SEMA5A: variants seen among roughly 807,000 people sequenced by gnomAD.
SEMA5A encodes semaphorin 5A.
In SEMA5A, 55 loss-of-function variants were observed where a neutral mutation model predicts 135.5. The observed-to-expected ratio is 0.41, with a 90% CI of 0.33 to 0.51. SEMA5A has a LOEUF of 0.51. Among genes scored for constraint, SEMA5A ranks in the 20% least tolerant of loss-of-function variants. The probability of loss-of-function intolerance (pLI) is 0.37; values close to 1 mark genes in which losing one functional copy is unlikely to be tolerated. For missense variants in SEMA5A, 1,290 were observed against 1,419.9 expected, an observed-to-expected ratio of 0.91 and a Z score of 1.47; for synonymous variants, 580 against 546.5, an observed-to-expected ratio of 1.06 and a Z score of -0.85.
intron 5 of SEMA5A, among the ~76,000 whole-genome samples, chr5:9,288,048 T>C (rs2150578185): frequency 6.6e-6 from 1 of 152,110 alleles, no homozygotes; most frequent in East Asian, 1.9e-4. Context: ...ATAAGATAAA[T>C]GTAAAAGAGA....
chr5:9,162,550 A>ATGTG (rs201253805), intron 11 of SEMA5A, among the ~76,000 whole-genome samples: 125 of 51,646 alleles, frequency 2.4e-3, no homozygotes, highest in South Asian at 0.011. Flanking sequence ...GTGTGTATAT[A>ATGTG]TGTGTGTGTG....
chr5:9,304,602 T>C (rs762375056), intron 5 of SEMA5A, among the ~76,000 whole-genome samples: 1 of 152,216 alleles, frequency 6.6e-6, no homozygotes, highest in Non-Finnish European at 1.5e-5. Flanking sequence ...GGTTTATTTA[T>C]GTATTTTTCT....
chr5:9,215,099 T>C (rs1328248227), intron 8 of SEMA5A, among the ~76,000 whole-genome samples: 2 of 152,118 alleles, frequency 1.3e-5, no homozygotes, highest in Non-Finnish European at 2.9e-5. Flanking sequence ...CCCTCTGCCC[T>C]GGGCAAAGCA....
intron 4 of SEMA5A, among the ~76,000 whole-genome samples, chr5:9,326,253 A>G (rs1579349076): frequency 6.6e-6 from 1 of 152,150 alleles, no homozygotes. Context: ...ACTTTTGAAG[A>G]TAACAAGTTA....
intron 16 of SEMA5A, among the ~76,000 whole-genome samples, chr5:9,101,330 T>G (rs1739620433): frequency 6.6e-6 from 1 of 152,188 alleles, no homozygotes; most frequent in South Asian, 2.1e-4. Context: ...GCTGGCAACC[T>G]TCCTACAACC....
intron 2 of SEMA5A, among the ~76,000 whole-genome samples, chr5:9,437,049 T>A (rs889332078): frequency 1.3e-5 from 2 of 151,886 alleles, no homozygotes; most frequent in Non-Finnish European, 2.9e-5. Flanking sequence ...TCATGAGAGG[T>A]TTAGGGCTTA....
chr5:9,452,334 T>G (rs1332054256), intron 1 of SEMA5A, among the ~76,000 whole-genome samples: 1 of 152,228 alleles, frequency 6.6e-6, no homozygotes, highest in Non-Finnish European at 1.5e-5. Context: ...AGCAGTGGTT[T>G]GCTTCCCGGA....
At chr5:9,346,663 C>T (rs1753884127) in intron 3 of SEMA5A, among the ~76,000 whole-genome samples, 1 of 152,176 alleles carries the variant, frequency 6.6e-6, no homozygotes, top group South Asian at 2.1e-4. Flanking sequence ...GGGTCTGAGT[C>T]AGTGGAACTC....
At chr5:9,143,999 A>G (rs2150235606) in intron 12 of SEMA5A, among the ~76,000 whole-genome samples, 1 of 152,310 alleles carries the variant, frequency 6.6e-6, no homozygotes, top group South Asian at 2.1e-4. Context: ...TAAACCTTCC[A>G]TGGTTCCACG....
At chr5:9,130,363 A>G (rs1463615657) in intron 13 of SEMA5A, among the ~76,000 whole-genome samples, 1 of 152,250 alleles carries the variant, frequency 6.6e-6, no homozygotes, top group Non-Finnish European at 1.5e-5. Flanking sequence ...GAATGTAACA[A>G]AACAGAATGT....
chr5:9,297,861 G>A (rs1751418711), intron 5 of SEMA5A, among the ~76,000 whole-genome samples: 1 of 152,094 alleles, frequency 6.6e-6, no homozygotes, highest in East Asian at 1.9e-4. Context: ...TGGGATTACA[G>A]GTGTGAACCA....
chr5:9,125,357 G>A (rs1741050347), intron 13 of SEMA5A, among the ~76,000 whole-genome samples: 1 of 152,108 alleles, frequency 6.6e-6, no homozygotes, highest in Admixed American at 6.5e-5. Flanking sequence ...TTTAAGTTCT[G>A]GGACATATGT....
intron 5 of SEMA5A, among the ~76,000 whole-genome samples, chr5:9,308,104 A>G (rs1241102755): frequency 6.6e-6 from 1 of 152,238 alleles, no homozygotes; most frequent in Non-Finnish European, 1.5e-5. Flanking sequence ...GGTCAGAGTC[A>G]GGAACATCAA....
intron 3 of SEMA5A, among the ~76,000 whole-genome samples, chr5:9,359,080 G>A (rs979805359): frequency 6.6e-6 from 1 of 152,022 alleles, no homozygotes; most frequent in African/African-American, 2.4e-5. Context: ...CTCAGCAGCA[G>A]CACCCAAACC....
intron 16 of SEMA5A, among the ~76,000 whole-genome samples, chr5:9,078,302 C>G (rs1024290849): frequency 1.3e-5 from 2 of 152,114 alleles, no homozygotes; most frequent in African/African-American, 4.8e-5. Flanking sequence ...TTCTAATCTT[C>G]CATTTTTAAG....
At chr5:9,459,671 C>G (rs1246585922) in intron 1 of SEMA5A, among the ~76,000 whole-genome samples, 1 of 152,130 alleles carries the variant, frequency 6.6e-6, no homozygotes. Context: ...GAAATGATGA[C>G]ATAATATAAT....
chr5:9,076,389 G>A (rs1738061196), intron 16 of SEMA5A, among the ~76,000 whole-genome samples: 1 of 152,050 alleles, frequency 6.6e-6, no homozygotes, highest in African/African-American at 2.4e-5. Context: ...ATAGTAAATA[G>A]AGTTTGAGAA....
chr5:9,387,013 T>C (rs1057048887), intron 2 of SEMA5A, among the ~76,000 whole-genome samples: 2 of 152,174 alleles, frequency 1.3e-5, no homozygotes, highest in Non-Finnish European at 2.9e-5. Context: ...TAGTCTCTCT[T>C]CCCTCTTTGT....
At chr5:9,359,467 A>T (rs532666621) in intron 3 of SEMA5A, among the ~76,000 whole-genome samples, 1 of 152,290 alleles carries the variant, frequency 6.6e-6, no homozygotes, top group East Asian at 1.9e-4. Flanking sequence ...CCTTTATAAC[A>T]TAATGGCCAG....
Sources: allele counts gnomAD v4.1 joint callset (sites outside exome capture counted in the v4.1 genomes callset), GRCh38; gene constraint gnomAD v4.1.1; transcripts MANE v1.5; gene names NCBI Gene and HGNC (gene_info 2026-07-23, HGNC 2026-07-21).